WDR72: variants seen among roughly 807,000 people sequenced by gnomAD.
WDR72 encodes the protein WD repeat-containing protein 72.
WDR72 carries 120 observed loss-of-function variants against 124.2 expected under a neutral mutation model. The observed-to-expected ratio is 0.97, with a 90% confidence interval of 0.83 to 1.12. WDR72 has a LOEUF of 1.12. WDR72 is among the 50% of genes most tolerant of loss of function. The pLI is 0.00. For missense variants in WDR72, 1,387 were observed against 1,278.8 expected (o/e 1.08, Z -1.29); for synonymous variants, 452 against 441.7 (o/e 1.02, Z -0.29).
intron 18 of WDR72, among the ~76,000 whole-genome samples, chr15:53,547,617 G>A (rs73406225): frequency 0.25 from 37,729 of 152,020 alleles, 4,866 homozygotes; most frequent in African/African-American, 0.32. Flanking sequence ...GGGAACTTCT[G>A]AAATTTATTT....
intron 1 of WDR72, among the ~76,000 whole-genome samples, chr15:53,751,092 C>T (rs928819306): frequency 6.6e-6 from 1 of 152,126 alleles, no homozygotes; most frequent in Non-Finnish European, 1.5e-5. Context: ...TATCAGACAG[C>T]ATTACATGCT....
intron 13 of WDR72, among the ~76,000 whole-genome samples, chr15:53,673,785 T>C (rs2016073146): frequency 6.6e-6 from 1 of 151,296 alleles, no homozygotes; most frequent in East Asian, 1.9e-4. Context: ...AGGTCAGGAG[T>C]TCAAGACCAG....
rs1305284691 is a variant in WDR72 at position 53,581,640 on chromosome 15, G to A, written c.3148+15439C>T. On this transcript the variant is annotated intron_variant, in intron 18 of 19. Transcript: ENST00000360509. Reference sequence around the variant, plus strand: ...TTTGCAAATTTTCAATTATTGCTGTGTAGAAGATCCCATATGAAGATGAAA... The same window carrying A: ...TTTGCAAATTTTCAATTATTGCTGTATAGAAGATCCCATATGAAGATGAAA... Among the ~76,000 whole-genome samples the A allele has an allele frequency of 3.3e-5, 5 of 152,134 alleles. No homozygotes were observed. In the East Asian group the frequency reaches 7.8e-4, roughly 24 times the overall value.
chr15:53,589,862 A>C (rs1046278487), intron 18 of WDR72, among the ~76,000 whole-genome samples: 22 of 152,034 alleles, frequency 1.4e-4, no homozygotes, highest in African/African-American at 5.3e-4. Context: ...AAGAGCAGTG[A>C]ACTCTTATCA....
intron 1 of WDR72, among the ~76,000 whole-genome samples, chr15:53,733,618 T>C (rs1236187555): frequency 6.6e-6 from 1 of 152,160 alleles, no homozygotes; most frequent in Non-Finnish European, 1.5e-5. Flanking sequence ...AAAAAATAAA[T>C]CTTTTCCATA....
At chr15:53,618,905 C>A (rs185936695) in intron 14 of WDR72, among the ~76,000 whole-genome samples, 1 of 152,002 alleles carries the variant, frequency 6.6e-6, no homozygotes, top group African/African-American at 2.4e-5. Flanking sequence ...TCCCCTTACA[C>A]GTTTTTCAAC....
At chr15:53,742,403 A>G (rs2018533996) in intron 1 of WDR72, among the ~76,000 whole-genome samples, 1 of 152,218 alleles carries the variant, frequency 6.6e-6, no homozygotes, top group Non-Finnish European at 1.5e-5. Flanking sequence ...ATGTGTCTAG[A>G]CAAGTTTTAA....
At chr15:53,724,139 C>T (rs1240596902) in intron 2 of WDR72, among the ~76,000 whole-genome samples, 1 of 152,082 alleles carries the variant, frequency 6.6e-6, no homozygotes, top group Admixed American at 6.6e-5. Flanking sequence ...TTAGTGGTTG[C>T]CAATGGCTGG....
intron 17 of WDR72, among the ~76,000 whole-genome samples, chr15:53,598,199 G>C (rs1039723450): frequency 1.4e-5 from 2 of 147,326 alleles, no homozygotes; most frequent in Non-Finnish European, 3.0e-5. Context: ...CTCTTCTTCA[G>C]CCAACAGTTA....
intron 18 of WDR72, among the ~76,000 whole-genome samples, chr15:53,538,071 G>T (rs1206124318): frequency 6.6e-6 from 1 of 151,942 alleles, no homozygotes. Flanking sequence ...GAACCTCATT[G>T]GAAAGTTATT....
chr15:53,727,406 T>C (rs1190525844), intron 2 of WDR72, among the ~76,000 whole-genome samples: 1 of 152,182 alleles, frequency 6.6e-6, no homozygotes, highest in Non-Finnish European at 1.5e-5. Context: ...GACATAATTG[T>C]TCTCTGCCTT....
intron 13 of WDR72, among the ~76,000 whole-genome samples, chr15:53,693,000 TAG>T (rs2016889788): frequency 6.6e-6 from 1 of 152,118 alleles, no homozygotes; most frequent in Non-Finnish European, 1.5e-5. Context: ...AATGACATAC[TAG>T]AGAGACTATT....
chr15:53,655,071 A>C (rs2015369692), intron 14 of WDR72, among the ~76,000 whole-genome samples: 1 of 151,830 alleles, frequency 6.6e-6, no homozygotes. Flanking sequence ...TCACTACTAA[A>C]AATACAAAAA....
At chr15:53,615,062 T>C (rs1313326232) in intron 15 of WDR72, among the ~76,000 whole-genome samples, 1 of 152,040 alleles carries the variant, frequency 6.6e-6, no homozygotes, top group East Asian at 1.9e-4. Flanking sequence ...ATTCACACCA[T>C]GTATAATGGA....
intron 11 of WDR72, among the ~76,000 whole-genome samples, chr15:53,704,177 G>A (rs1279912219): frequency 1.3e-5 from 2 of 152,112 alleles, no homozygotes; most frequent in African/African-American, 4.8e-5. Flanking sequence ...ATTGTCCATA[G>A]TAGCTAAAAA....
chr15:53,691,975 A>G (rs62007980), intron 13 of WDR72, among the ~76,000 whole-genome samples: 25,407 of 152,174 alleles, frequency 0.17, 2,441 homozygotes, highest in East Asian at 0.43. Flanking sequence ...CCTATGTGGC[A>G]GGTGCCATAT....
chr15:53,638,790 G>A (rs73408295), intron 14 of WDR72, among the ~76,000 whole-genome samples: 10,346 of 151,892 alleles, frequency 0.068, 1,144 homozygotes, highest in African/African-American at 0.24. Context: ...GATCACCTGA[G>A]GTCAGGAGTT....
chr15:53,716,649 G>C lies in WDR72; in HGVS notation c.297C>G (p.Cys99Trp), dbSNP rs530593628. 1 of 1,608,128 alleles carries C rather than the reference G, an allele frequency of 6.2e-7. No individual in the cohort carries two copies. Among genetic ancestry groups the C allele is most frequent in the East Asian group, 2.2e-5 (1 of 44,844 alleles). ...MCVWNVTNGQCMEKATLPYRH... is the reference protein window; with the variant it reads ...MCVWNVTNGQWMEKATLPYRH... The stretch of plus-strand genomic sequence containing the variant: ...TGTAAGGAAGTGTAGCCTTCTCCAT[G>C]CACTGTCCATTGGTGACATTCCAAA... Residue 99 changes from cysteine (C) to tryptophan (W), a missense_variant, in exon 4 of 20, where the codon TGC becomes TGG. By Grantham distance (215) the Cys-to-Trp change is radical. Coordinates refer to ENST00000360509, the MANE Select transcript of WDR72 (RefSeq NM_182758.4).
intron 17 of WDR72, among the ~76,000 whole-genome samples, chr15:53,598,250 ACATCCCAGTGCCTTTCATATAGC>A (rs2012873303): frequency 2.0e-5 from 3 of 151,824 alleles, no homozygotes; most frequent in African/African-American, 7.3e-5. Context: ...TCATATAGCT[ACATCCCAGTGCCTTTCATATAGC>A]CACATCCCAG....
Sources: gnomAD v4.1 joint callset for allele counts (sites outside exome capture counted in the v4.1 genomes callset) on GRCh38, gnomAD v4.1.1 for gene constraint, MANE v1.5 for transcripts, NCBI Gene and HGNC (gene_info 2026-07-23, HGNC 2026-07-21) for gene names.